Variants in KCNK6 observed in about 807,000 individuals in gnomAD.
KCNK6 encodes the protein potassium two pore domain channel subfamily K member 6.
A neutral mutation model predicts 21.9 loss-of-function variants in KCNK6; 20 were observed. The observed-to-expected ratio is 0.91, with a 90% CI of 0.64 to 1.32. The LOEUF is 1.32. Ranked by LOEUF, KCNK6 falls within the 40% of genes most tolerant of loss-of-function variation. KCNK6 has a pLI of 0.00. For synonymous variants in KCNK6, 210 were observed against 218.0 expected (o/e 0.96, Z 0.32); for missense variants, 415 against 433.1 (o/e 0.96, Z 0.37).
chr19:38,325,362 G>A (rs965912365), intron 1 of KCNK6: 38 of 975,940 alleles, frequency 3.9e-5, no homozygotes, highest in South Asian at 4.7e-5. Context: ...TAATCTGCCC[G>A]CCTAGGCCTC....
At position 38,320,270 on chromosome 19, in the gene KCNK6, T is replaced by TGG; in HGVS notation, c.322_322+1dup. 6.2e-7 allele frequency: 1 copy of TGG among 1,605,802 alleles called. No homozygotes were observed. Among genetic ancestry groups the TGG allele is most frequent in the Non-Finnish European group, 8.5e-7 (1 of 1,179,374 alleles). On this transcript the variant is annotated frameshift_variant and splice_region_variant, in exon 1 of 3. Coordinates refer to ENST00000263372, the MANE Select transcript of KCNK6 (RefSeq NM_004823.3). LOFTEE classifies it high-confidence loss of function. ...TTCGCCAGCACGCTGATCACCACCG[T>TGG]GGGTACGTAAGCGCCTCACCGCAAG... is the stretch of plus-strand genomic sequence containing the variant.
At chr19:38,325,428 A>G (rs1969697922) in intron 1 of KCNK6, 1 of 985,284 alleles carries the variant, frequency 1.0e-6, no homozygotes, top group Admixed American at 6.2e-5. Flanking sequence ...TGTCTCGCCC[A>G]TTTTAGAATA....
At position 38,326,838 on chromosome 19, in the gene KCNK6, G is replaced by A. The variant is rs975214293; in HGVS notation, c.568G>A (p.Val190Met). Residue 190 changes from valine (V) to methionine (M), a missense_variant, in exon 2 of 3, where the codon GTG becomes ATG. Transcript: ENST00000263372. ...VVTVCFLVPAVIFAHLEEAWS... is the reference protein window; with the variant it reads ...VVTVCFLVPAMIFAHLEEAWS... ...GACCGTCTGCTTTCTGGTGCCGGCT[G>A]TGATCTTTGCCCACCTCGAGGAGGC... The A allele has an allele frequency of 6.2e-7, 1 of 1,610,702 alleles. No homozygotes were observed. Among genetic ancestry groups the A allele is most frequent in the South Asian group, 1.1e-5 (1 of 91,086 alleles).
chr19:38,327,340 G>A lies in KCNK6; in HGVS notation c.879G>A (p.Gln293=). The A allele has an allele frequency of 6.2e-7, 1 of 1,612,782 alleles. No individual in the cohort carries two copies. The highest frequency in any genetic ancestry group is 8.5e-7 in the Non-Finnish European group (1 of 1,180,006). ...EDDRVDILGP[Q]PESHQQLSAS... is the part of the protein sequence containing the mutation. ...ATCGGGTGGACATCCTGGGCCCCCA[G>A]CCGGAGTCGCACCAGCAACTCTCTG... Residue 293 remains glutamine (Q), a synonymous_variant, in exon 3 of 3, where the codon CAG becomes CAA. Coordinates refer to ENST00000263372, the MANE Select transcript of KCNK6 (RefSeq NM_004823.3).
At position 38,327,403 on chromosome 19, in the gene KCNK6, G is replaced by T; in HGVS notation, c.942G>T (p.Ter314TyrextTer34). The T allele has an allele frequency of 6.2e-7, 1 of 1,605,918 alleles. No individual in the cohort carries two copies. The stretch of plus-strand genomic sequence containing the variant: ...CCGACTACGCTTCCATCCCCAGGTA[G>T]CTGGGGCAGCCTCTGCCAGGCTTGG... Reference protein sequence around the residue: ...SHTDYASIPR* With the variant: ...SHTDYASIPRY Residue 314 changes from the stop codon to tyrosine (Y), a stop_lost, in exon 3 of 3, where the codon TAG becomes TAT. Coordinates refer to ENST00000263372, the MANE Select transcript of KCNK6 (RefSeq NM_004823.3).
At position 38,330,329 on chromosome 19, in the gene KCNK6, A is replaced by G. The variant is rs1969757589; in HGVS notation, c.*2926A>G. 1 of 151,948 alleles carries G rather than the reference A, an allele frequency of 6.6e-6. No individual in the cohort carries two copies. 9.4% of individuals were successfully genotyped at this position (151,948 alleles called of 1,614,324 possible). On this transcript the variant is annotated 3_prime_UTR_variant, in exon 3 of 3. Transcript: ENST00000263372. ...GGCGAAACAGAGACTCTGTCTCAAA[A>G]AAAAAAAAAAAGTCATAGGGGCTGG...
rs559171224 is a variant in KCNK6, at chr19:38,328,271, G to C, written c.*868G>C. 5 of 152,434 alleles carry C rather than the reference G, an allele frequency of 3.3e-5. No homozygotes were observed. Among genetic ancestry groups the C allele is most frequent in the African/African-American group, 1.2e-4 (5 of 41,584 alleles). The allele number at this position is 152,434 out of a possible 1,614,324, so 9.4% of individuals were successfully genotyped here. A position where few individuals can be genotyped will look rare whatever the true frequency, so the allele number is the denominator to read the frequency against. On this transcript the variant is annotated 3_prime_UTR_variant, in exon 3 of 3. Transcript: ENST00000263372. ...GAGCAGGACCCATGGAGGGACCCCT[G>C]GTGTAGGCCTGGGCGATAGACTCTT...
In KCNK6 at chr19:38,327,355, G is replaced by C. The variant is rs367679159; in HGVS notation, c.894G>C (p.Gln298His). Residue 298 changes from glutamine to histidine, a missense_variant, in exon 3 of 3, where the codon CAG (glutamine) becomes CAC (histidine). Gln to His is a conservative substitution (Grantham distance 24). Coordinates refer to ENST00000263372, the MANE Select transcript of KCNK6 (RefSeq NM_004823.3). The part of the protein sequence containing the change: ...DILGPQPESH[Q>H]QLSASSHTDY... Reference sequence around the variant, plus strand: ...TGGGCCCCCAGCCGGAGTCGCACCAGCAACTCTCTGCCAGCTCCCACACCG... The same window carrying C: ...TGGGCCCCCAGCCGGAGTCGCACCACCAACTCTCTGCCAGCTCCCACACCG... The C allele has an allele frequency of 6.8e-6, 11 of 1,611,998 alleles. No homozygotes were observed. The highest frequency in any genetic ancestry group is 5.5e-5 in the South Asian group (5 of 91,090).
At chr19:38,323,556 A>G (rs1458857079) in intron 1 of KCNK6, among the ~76,000 whole-genome samples, 1 of 152,202 alleles carries the variant, frequency 6.6e-6, no homozygotes, top group East Asian at 1.9e-4. Context: ...GCTAGGCACT[A>G]TGCCCTATCC....
At position 38,328,084 on chromosome 19, in the gene KCNK6, G is replaced by T; in HGVS notation, c.*681G>T. ...GTGAGGTGTTGAAAGCACAGGCAGAGTGGTCAGGGCTGAAGTCGGAGAAGC... is the reference window on the plus strand; with the variant it reads ...GTGAGGTGTTGAAAGCACAGGCAGATTGGTCAGGGCTGAAGTCGGAGAAGC... On this transcript the variant is annotated 3_prime_UTR_variant, in exon 3 of 3. Coordinates refer to ENST00000263372, the MANE Select transcript of KCNK6 (RefSeq NM_004823.3). The T allele has an allele frequency of 6.5e-6, 1 of 152,956 alleles. No homozygotes were observed. Among genetic ancestry groups the T allele is most frequent in the Non-Finnish European group, 1.5e-5 (1 of 68,568 alleles). 9.5% of individuals were successfully genotyped at this position (152,956 alleles called of 1,614,324 possible).
intron 2 of KCNK6, 90 bp downstream of exon 2, chr19:38,327,078 C>T: frequency 6.4e-7 from 1 of 1,559,926 alleles, no homozygotes; most frequent in Non-Finnish European, 8.7e-7. Flanking sequence ...CTGGGACTTC[C>T]AAAAGGGATC....
chr19:38,326,972 C>G lies in KCNK6; in HGVS notation c.702C>G (p.Tyr234Ter). 1 of 1,602,456 alleles carries G rather than the reference C, an allele frequency of 6.2e-7. No individual in the cohort carries two copies. The highest frequency in any genetic ancestry group is 1.3e-5 in the African/African-American group (1 of 74,956). ...CTGGCCAGCCCTACCGGGCCCTCTA[C>G]AAGGTGCTGGTCACAGGTGAGCTGG... ...EAPGQPYRAL[Y>*]KVLVTVYLFL... The change falls in exon 2 of 3, where the codon TAC becomes TAG. Residue 234 changes from tyrosine (Y) to a stop codon, truncating the protein, a stop_gained. Coordinates refer to ENST00000263372, the MANE Select transcript of KCNK6 (RefSeq NM_004823.3). LOFTEE classifies it high-confidence loss of function.
intron 1 of KCNK6, among the ~76,000 whole-genome samples, chr19:38,322,078 G>A (rs1439361959): frequency 1.3e-5 from 2 of 152,214 alleles, no homozygotes; most frequent in Admixed American, 6.5e-5. Flanking sequence ...TGTGAGGCAG[G>A]CGCCTTTATA....
intron 1 of KCNK6, 87 bp downstream of exon 1, chr19:38,320,359 T>G: frequency 7.2e-7 from 1 of 1,389,652 alleles, no homozygotes; most frequent in Non-Finnish European, 9.9e-7. Context: ...CCCTCACGAA[T>G]ACCCTTATCC....
rs901720078 is a variant in KCNK6 at position 38,331,560 on chromosome 19, G to C, written c.*4157G>C. 1 of 151,922 alleles carries C rather than the reference G, an allele frequency of 6.6e-6. No homozygotes were observed. Among genetic ancestry groups the C allele is most frequent in the African/African-American group, 2.4e-5 (1 of 41,324 alleles). The allele number at this position is 151,922 out of a possible 1,614,324, so 9.4% of individuals were successfully genotyped here. A position where few individuals can be genotyped will look rare whatever the true frequency, so the allele number is the denominator to read the frequency against. On this transcript the variant is annotated 3_prime_UTR_variant, in exon 3 of 3. Transcript: ENST00000263372. ...GAATCACTTGAACCCAGGAGGTGGAGGTTGCAGTGAGCCGAGATCCCACCA... is the reference window on the plus strand; with the variant it reads ...GAATCACTTGAACCCAGGAGGTGGACGTTGCAGTGAGCCGAGATCCCACCA...
In KCNK6 at chr19:38,327,234, A is replaced by G; in HGVS notation, c.773A>G (p.His258Arg). 6.2e-7 allele frequency: 1 copy of G among 1,613,520 alleles called. No individual in the cohort carries two copies. The highest frequency in any genetic ancestry group is 8.5e-7 in the Non-Finnish European group (1 of 1,180,018). Residue 258 changes from histidine to arginine, a missense_variant, in exon 3 of 3, where the codon CAC becomes CGC. Coordinates refer to ENST00000263372, the MANE Select transcript of KCNK6 (RefSeq NM_004823.3). ...AMVLVLQTFRHVSDLHGLTEL... is the reference protein window; with the variant it reads ...AMVLVLQTFRRVSDLHGLTEL... ...GTGCTGGTGCTGCAGACCTTCCGCC[A>G]CGTGTCCGACCTCCACGGCCTCACG...
intron 1 of KCNK6, among the ~76,000 whole-genome samples, chr19:38,320,542 C>T (rs906186145): frequency 6.4e-4 from 95 of 149,042 alleles, no homozygotes; most frequent in East Asian, 2.2e-3. Flanking sequence ...CCCCGTTCCT[C>T]GGTCTTTTTT....
At chr19:38,325,889 A>T (rs1969702081) in intron 1 of KCNK6, among the ~76,000 whole-genome samples, 2 of 151,816 alleles carry the variant, frequency 1.3e-5, no homozygotes, top group African/African-American at 4.8e-5. Context: ...GCATGACTGA[A>T]CTCAGGTGTT....
chr19:38,323,079 C>T (rs1221100294), intron 1 of KCNK6, among the ~76,000 whole-genome samples: 1 of 152,196 alleles, frequency 6.6e-6, no homozygotes, highest in East Asian at 1.9e-4. Context: ...CGCCCCTGCA[C>T]TCCAGGCTGG....
Sources: allele counts gnomAD v4.1 joint callset (sites outside exome capture counted in the v4.1 genomes callset), GRCh38; gene constraint gnomAD v4.1.1; transcripts MANE v1.5; gene names NCBI Gene and HGNC (gene_info 2026-07-23, HGNC 2026-07-21).